TLN2: variants seen among roughly 807,000 people sequenced by gnomAD.
TLN2 encodes the protein talin 2.
TLN2 carries 118 observed loss-of-function variants against 294.7 expected under a neutral mutation model. The observed-to-expected ratio is 0.40, with a 90% CI of 0.34 to 0.47. TLN2 has a LOEUF of 0.47. Among genes scored for constraint, TLN2 ranks in the 20% least tolerant of loss-of-function variants. The pLI is 0.84. For missense variants in TLN2, 3,083 were observed against 3,282.2 expected (o/e 0.94, Z 1.48); for synonymous variants, 1,431 against 1,304.5 (o/e 1.10, Z -2.09).
chr15:62,808,287 A>T (rs2066432184), intron 51 of TLN2, among the ~76,000 whole-genome samples: 1 of 152,212 alleles, frequency 6.6e-6, no homozygotes, highest in Non-Finnish European at 1.5e-5. Flanking sequence ...AATGTTATAA[A>T]GCTATTTCTG....
At chr15:62,489,564 C>T (rs895024258) in intron 1 of TLN2, among the ~76,000 whole-genome samples, 1 of 152,166 alleles carries the variant, frequency 6.6e-6, no homozygotes, top group South Asian at 2.1e-4. Flanking sequence ...AATACCTCAT[C>T]CTGGTGGTTT....
intron 1 of TLN2, among the ~76,000 whole-genome samples, chr15:62,424,840 G>T (rs943303682): frequency 1.9e-4 from 29 of 149,798 alleles, no homozygotes; most frequent in African/African-American, 6.9e-4. Flanking sequence ...TTTAGTAGAG[G>T]TGGGGTTTCA....
intron 43 of TLN2, among the ~76,000 whole-genome samples, chr15:62,779,670 G>C (rs1024520505): frequency 6.6e-6 from 1 of 152,232 alleles, no homozygotes; most frequent in Non-Finnish European, 1.5e-5. Context: ...CTCCTAGCAT[G>C]TGGCCTGAGG....
intron 1 of TLN2, among the ~76,000 whole-genome samples, chr15:62,471,976 C>T (rs1318980458): frequency 6.6e-6 from 1 of 152,132 alleles, no homozygotes; most frequent in Non-Finnish European, 1.5e-5. Context: ...CTTCCTTCTC[C>T]CCTGCGCTTG....
intron 26 of TLN2, among the ~76,000 whole-genome samples, chr15:62,724,562 T>TA (rs1359777581): frequency 1.3e-5 from 2 of 152,188 alleles, no homozygotes; most frequent in East Asian, 3.9e-4. Flanking sequence ...AAAGTTGACA[T>TA]AGACTTGCCC....
intron 2 of TLN2, among the ~76,000 whole-genome samples, chr15:62,597,735 T>C (rs977035338): frequency 6.6e-6 from 1 of 152,218 alleles, no homozygotes; most frequent in Admixed American, 6.5e-5. Context: ...TATTTACATA[T>C]ACATAATGAG....
intron 2 of TLN2, among the ~76,000 whole-genome samples, chr15:62,604,432 A>G (rs2047246432): frequency 6.6e-6 from 1 of 151,114 alleles, no homozygotes; most frequent in Admixed American, 6.6e-5. Flanking sequence ...CGTCCCAGCC[A>G]CTTGGGAGAC....
chr15:62,509,741 AGACAGGACCACTGAAGCCAGGGGAGGCT>A (rs2039833475), intron 1 of TLN2, among the ~76,000 whole-genome samples: 1 of 152,068 alleles, frequency 6.6e-6, no homozygotes, highest in African/African-American at 2.4e-5. Flanking sequence ...CCTCCTTTAC[AGACAGGACCACTGAAGCCAGGGGAGGCT>A]GTTGGGCTTG....
intron 11 of TLN2, among the ~76,000 whole-genome samples, chr15:62,678,050 C>T (rs1165823392): frequency 6.6e-6 from 1 of 152,006 alleles, no homozygotes; most frequent in Non-Finnish European, 1.5e-5. Context: ...CTGCCTTGGC[C>T]TCCCAAAGTG....
rs115538903 is a variant in TLN2 at position 62,699,431 on chromosome 15, G to C, written c.1587+564G>C. 4.3e-3 allele frequency among the ~76,000 whole-genome samples: 651 copies of C among 150,678 alleles called. 9 individuals carry two copies. The highest frequency in any genetic ancestry group is 0.014 in the African/African-American group (560 of 40,946). On this transcript the variant is annotated intron_variant, in intron 16 of 58. Transcript: ENST00000636159. The stretch of plus-strand genomic sequence containing the variant: ...GGGTAGGGCCTGAGATTTTGCATTT[G>C]CAACAAGATCTCAGGTGATGCCAAC...
chr15:62,795,185 C>T lies in TLN2; in HGVS notation c.5884-942C>T, dbSNP rs147723589. On this transcript the variant is annotated intron_variant, in intron 46 of 58. Coordinates refer to ENST00000636159, the MANE Select transcript of TLN2 (RefSeq NM_015059.3). The stretch of plus-strand genomic sequence containing the variant: ...TTGGTGGCTTTTCCTTCTTCCTTCA[C>T]TTTGGCATCTGACGGGGCAACTAGT... 5.7e-3 allele frequency among the ~76,000 whole-genome samples: 867 copies of T among 152,222 alleles called. 13 individuals are homozygous for T. The highest frequency in any genetic ancestry group is 0.019 in the African/African-American group (778 of 41,524).
Position 62,702,200 on chromosome 15 carries a change from G to A in TLN2, c.1905G>A (p.Glu635=). ...AAGCTGTGCAGCCTACTTCTGGAGA[G>A]GTAAGCTCCAGAGGCAAGCAATCAC... ...LLKAVQPTSG[E]PRQTVLTAAG... The change falls in exon 18 of 59, where the codon GAG becomes GAA. Residue 635 remains glutamate, a splice_region_variant and synonymous_variant. Transcript: ENST00000636159. 6.3e-7 allele frequency: 1 copy of A among 1,586,774 alleles called. No homozygotes were observed. The highest frequency in any genetic ancestry group is 8.6e-7 in the Non-Finnish European group (1 of 1,165,078).
intron 1 of TLN2, among the ~76,000 whole-genome samples, chr15:62,512,758 C>T (rs932798917): frequency 1.3e-5 from 2 of 152,152 alleles, no homozygotes; most frequent in African/African-American, 2.4e-5. Flanking sequence ...CAGTGTGTTC[C>T]AGTTTCTTGG....
At chr15:62,517,861 G>C (rs935330475) in intron 1 of TLN2, among the ~76,000 whole-genome samples, 3 of 152,084 alleles carry the variant, frequency 2.0e-5, no homozygotes, top group Non-Finnish European at 4.4e-5. Flanking sequence ...CCATGTCCCA[G>C]CTCTGCCACT....
At chr15:62,671,502 A>G (rs2055419486) in intron 9 of TLN2, among the ~76,000 whole-genome samples, 1 of 152,178 alleles carries the variant, frequency 6.6e-6, no homozygotes, top group Non-Finnish European at 1.5e-5. Flanking sequence ...GCATGTGAAC[A>G]TCCTGTTGTC....
Position 62,698,866 on chromosome 15 carries a change from T to C in TLN2, c.1586T>C (p.Met529Thr). The C allele has an allele frequency of 6.2e-7, 1 of 1,611,734 alleles. No homozygotes were observed. The highest frequency in any genetic ancestry group is 8.5e-7 in the Non-Finnish European group (1 of 1,179,588). The change falls in exon 16 of 59, where the codon ATG becomes ACG. Residue 529 changes from methionine (M) to threonine (T), a missense_variant and splice_region_variant. By Grantham distance (81) the Met-to-Thr change is moderately conservative. Coordinates refer to ENST00000636159, the MANE Select transcript of TLN2 (RefSeq NM_015059.3). ...LDSLPPLGQD[M>T]ASRVWVQNKV... is the part of the protein sequence containing the mutation. ...TCGCTGCCACCTCTCGGCCAGGATA[T>C]GGTAAATACTGTTCAGTGGTTTTCA...
intron 1 of TLN2, among the ~76,000 whole-genome samples, chr15:62,505,717 A>G (rs985785316): frequency 2.0e-5 from 3 of 152,184 alleles, no homozygotes; most frequent in Non-Finnish European, 4.4e-5. Context: ...GATTTGTGAC[A>G]TCTGTAGGGA....
At chr15:62,772,251 C>T (rs1009930941) in intron 42 of TLN2, among the ~76,000 whole-genome samples, 1 of 152,148 alleles carries the variant, frequency 6.6e-6, no homozygotes, top group Non-Finnish European at 1.5e-5. Context: ...ACCACAGCAC[C>T]CAGCTTGGAC....
intron 1 of TLN2, among the ~76,000 whole-genome samples, chr15:62,416,513 T>G (rs1433238165): frequency 6.6e-6 from 1 of 152,198 alleles, no homozygotes; most frequent in Non-Finnish European, 1.5e-5. Context: ...CTCATTATAT[T>G]TATGTTTTCA....
Sources: gnomAD v4.1 joint callset for allele counts (sites outside exome capture counted in the v4.1 genomes callset) on GRCh38, gnomAD v4.1.1 for gene constraint, MANE v1.5 for transcripts, NCBI Gene and HGNC (gene_info 2026-07-23, HGNC 2026-07-21) for gene names.